WIPF3: variants seen among roughly 807,000 people sequenced by gnomAD.
WIPF3 encodes WAS/WASL interacting protein family member 3, also known as WAS/WASL-interacting protein family member 3.
A neutral mutation model predicts 38.9 loss-of-function variants in WIPF3; 33 were observed. That is an observed-to-expected ratio of 0.85 (90% CI 0.64 to 1.14). WIPF3 has a LOEUF of 1.14. WIPF3 is among the 50% of genes most tolerant of loss of function. WIPF3 has a pLI of 0.00. For synonymous variants in WIPF3, 324 were observed against 269.3 expected (o/e 1.20, Z -1.99); for missense variants, 711 against 652.5 (o/e 1.09, Z -0.98).
rs756147471 is a variant in WIPF3 at position 29,875,947 on chromosome 7, G to C, written c.208G>C (p.Ala70Pro). The change falls in exon 3 of 9, where the codon GCC (alanine) becomes CCC (proline). Residue 70 changes from alanine (A) to proline (P), a missense_variant. Transcript: ENST00000242140. ...AGTCACGCAGATCAACGACCGCAGT[G>C]CCCCGCAGATCGAGAGTAAGTGAGC... ...RKVTQINDRS[A>P]PQIESSKGTN... 1.2e-6 allele frequency: 2 copies of C among 1,613,892 alleles called. No homozygotes were observed. The highest frequency in any genetic ancestry group is 1.7e-6 in the Non-Finnish European group (2 of 1,179,840).
chr7:29,889,249 C>T, intron 6 of WIPF3, 57 bp from the exon 7 acceptor site: 1 of 1,453,960 alleles, frequency 6.9e-7, no homozygotes, highest in East Asian at 2.3e-5. Flanking sequence ...TGGAAATGAT[C>T]AAAACTTGGA....
chr7:29,871,668 C>G (rs189428055), intron 2 of WIPF3, among the ~76,000 whole-genome samples: 358 of 152,330 alleles, frequency 2.4e-3, no homozygotes, highest in African/African-American at 7.7e-3. Context: ...CTTCCCCAGC[C>G]TATGCTGTAA....
At chr7:29,872,429 T>A (rs1307980160) in intron 2 of WIPF3, among the ~76,000 whole-genome samples, 1 of 152,156 alleles carries the variant, frequency 6.6e-6, no homozygotes, top group Non-Finnish European at 1.5e-5. Flanking sequence ...CTGTATATGG[T>A]CGCTTTTGCC....
rs373358899 is a variant in WIPF3 at position 29,910,032 on chromosome 7, A to C, written c.1429-4461A>C. ...TACTATTTGATAGCACAACAGGGTG[A>C]CTATAGTCAACAATAATTTAATGGT... is the stretch of plus-strand genomic sequence containing the variant. On this transcript the variant is annotated intron_variant, in intron 8 of 8. Transcript: ENST00000242140. 8.5e-5 allele frequency among the ~76,000 whole-genome samples: 13 copies of C among 152,314 alleles called. No homozygotes were observed. The South Asian group carries it at 2.7e-3, about 32-fold the overall frequency.
chr7:29,913,206 C>T (rs1027337342), intron 8 of WIPF3, among the ~76,000 whole-genome samples: 2 of 152,156 alleles, frequency 1.3e-5, no homozygotes, highest in African/African-American at 4.8e-5. Context: ...ATTAGCCAGG[C>T]ATGGTGGCGC....
rs1786627632 is a variant in WIPF3, at chr7:29,916,882, C to T, written c.*2366C>T. 6.6e-6 allele frequency: 1 copy of T among 152,170 alleles called. No individual in the cohort carries two copies. The highest frequency in any genetic ancestry group is 2.4e-5 in the African/African-American group (1 of 41,418). 9.4% of individuals were successfully genotyped at this position (152,170 alleles called of 1,614,324 possible). A position where few individuals can be genotyped will look rare whatever the true frequency, so the allele number is the denominator to read the frequency against. On this transcript the variant is annotated 3_prime_UTR_variant, in exon 9 of 9. Coordinates refer to ENST00000242140, the MANE Select transcript of WIPF3 (RefSeq NM_001080529.3). The stretch of plus-strand genomic sequence containing the variant: ...CCCTTGGGCGCTGTAAAGGTTTAAC[C>T]CCTTGACTGTAAACTCAGACTTAGA...
intron 2 of WIPF3, among the ~76,000 whole-genome samples, chr7:29,850,552 G>A (rs776679943): frequency 2.0e-5 from 3 of 152,214 alleles, no homozygotes; most frequent in South Asian, 2.1e-4. Flanking sequence ...GCAGGGCAGC[G>A]CCCCTTCAGT....
intron 2 of WIPF3, among the ~76,000 whole-genome samples, chr7:29,854,690 C>T (rs763663095): frequency 2.6e-5 from 4 of 152,142 alleles, no homozygotes; most frequent in Non-Finnish European, 4.4e-5. Flanking sequence ...GTGTTGGCTC[C>T]GCAGCCTGTG....
intron 2 of WIPF3, among the ~76,000 whole-genome samples, chr7:29,848,487 G>C (rs1052424679): frequency 1.3e-5 from 2 of 152,172 alleles, no homozygotes; most frequent in East Asian, 1.9e-4. Context: ...CCAAAGCAAA[G>C]AAAGAAGTTC....
At chr7:29,884,740 T>C (rs917972317) in intron 5 of WIPF3, 147 bp downstream of exon 5, 2 of 1,272,992 alleles carry the variant, frequency 1.6e-6, no homozygotes, top group Non-Finnish European at 2.1e-6. Flanking sequence ...TCATGCTGCA[T>C]GTAAGCAAGG....
intron 7 of WIPF3, among the ~76,000 whole-genome samples, chr7:29,900,684 A>G (rs935940282): frequency 6.6e-5 from 10 of 152,250 alleles, no homozygotes; most frequent in Admixed American, 2.0e-4. Flanking sequence ...GAAGCCTCCA[A>G]TGTAAGAACA....
intron 1 of WIPF3, among the ~76,000 whole-genome samples, chr7:29,820,242 T>C (rs1056625871): frequency 6.6e-6 from 1 of 152,130 alleles, no homozygotes; most frequent in African/African-American, 2.4e-5. Flanking sequence ...TTTACCATTA[T>C]AAAGAATCTT....
intron 1 of WIPF3, among the ~76,000 whole-genome samples, chr7:29,831,331 G>A (rs1482765711): frequency 6.6e-6 from 1 of 152,138 alleles, no homozygotes; most frequent in South Asian, 2.1e-4. Flanking sequence ...GGCCCTCAAC[G>A]GATTAGATGG....
intron 1 of WIPF3, among the ~76,000 whole-genome samples, chr7:29,810,005 G>C (rs536651030): frequency 6.6e-6 from 1 of 152,316 alleles, no homozygotes; most frequent in East Asian, 1.9e-4. Flanking sequence ...GCAGTAGCCA[G>C]TCTCAGTGCT....
At chr7:29,901,592 A>G (rs1381256310) in intron 7 of WIPF3, among the ~76,000 whole-genome samples, 2 of 151,700 alleles carry the variant, frequency 1.3e-5, no homozygotes, top group East Asian at 3.9e-4. Context: ...GGAGTTCAAG[A>G]CCATCCTGGC....
At position 29,878,335 on chromosome 7, in the gene WIPF3, T is replaced by G. The variant is rs1181634874; in HGVS notation, c.224-674T>G. On this transcript the variant is annotated intron_variant, in intron 3 of 8. Coordinates refer to ENST00000242140, the MANE Select transcript of WIPF3 (RefSeq NM_001080529.3). The surrounding 1 kb of genome is among the most constrained non-coding windows in gnomAD (Gnocchi z 4.0). ...GTTAAATATTTTCTGCCAGGAATTC[T>G]TGTCTAAGCTGAGTATCTTCTCGTT... Among the ~76,000 whole-genome samples the G allele has an allele frequency of 6.6e-6, 1 of 152,132 alleles. No homozygotes were observed. The highest frequency in any genetic ancestry group is 1.5e-5 in the Non-Finnish European group (1 of 68,042).
intron 1 of WIPF3, among the ~76,000 whole-genome samples, chr7:29,812,417 C>G (rs911606532): frequency 1.4e-4 from 21 of 152,344 alleles, no homozygotes; most frequent in African/African-American, 4.6e-4. Context: ...CTTCACCACA[C>G]TTAGCCTATA....
intron 2 of WIPF3, among the ~76,000 whole-genome samples, chr7:29,843,357 G>C (rs999115203): frequency 6.6e-6 from 1 of 152,292 alleles, no homozygotes; most frequent in Admixed American, 6.5e-5. Flanking sequence ...AGGAGGCAGC[G>C]ATTACAGACT....
chr7:29,820,096 A>G (rs148162564), intron 1 of WIPF3, among the ~76,000 whole-genome samples: 51 of 152,216 alleles, frequency 3.4e-4, no homozygotes, highest in African/African-American at 1.2e-3. Flanking sequence ...GAGAACCCAT[A>G]AAAGTCTTGA....
Sources: allele counts gnomAD v4.1 joint callset (sites outside exome capture counted in the v4.1 genomes callset), GRCh38; gene constraint gnomAD v4.1.1; non-coding constraint Gnocchi (gnomAD v3.1); transcripts MANE v1.5; gene names NCBI Gene and HGNC (gene_info 2026-07-23, HGNC 2026-07-21).